The following SLC29A4 variants were observed in gnomAD, a reference collection of about 807,000 sequenced individuals.
SLC29A4 encodes the protein solute carrier family 29 member 4, also known as equilibrative nucleoside transporter 4.
SLC29A4 carries 36 observed loss-of-function variants against 43.9 expected under a neutral mutation model. The observed-to-expected ratio is 0.82, with a 90% CI of 0.63 to 1.08. The LOEUF (loss-of-function observed/expected upper bound fraction) is 1.08, where lower values mean the gene tolerates loss of function less well. Ranked by LOEUF, SLC29A4 falls within the 50% of genes least tolerant of loss-of-function variation. The pLI is 0.00. For synonymous variants in SLC29A4, 491 were observed against 338.0 expected (o/e 1.45, Z -4.97); for missense variants, 869 against 755.3 (o/e 1.15, Z -1.77).
chr7:5,298,875 C>T lies in SLC29A4; in HGVS notation c.883-113C>T, dbSNP rs573027747. The T allele has an allele frequency of 9.1e-6, 11 of 1,204,174 alleles. No individual in the cohort carries two copies. In the South Asian group the frequency reaches 1.2e-4, roughly 13 times the overall value. The allele number at this position is 1,204,174 out of a possible 1,614,324, so 74.6% of individuals were successfully genotyped here. A position where few individuals can be genotyped will look rare whatever the true frequency, so the allele number is the denominator to read the frequency against. ...GGTGTCTGCACACAGTAGGTACCAC[C>T]TGAATGTCAGCGCCAGCCCCAGTGC... On this transcript the variant is annotated intron_variant, in intron 7 of 10. Transcript: ENST00000396872.
chr7:5,288,744 T>A (rs1785119394), intron 2 of SLC29A4, among the ~76,000 whole-genome samples: 1 of 152,180 alleles, frequency 6.6e-6, no homozygotes. Context: ...AGCCCAGCTG[T>A]GTGACGTTAG....
At chr7:5,291,316 C>T in intron 4 of SLC29A4, 79 bp downstream of exon 4, 1 of 1,344,370 alleles carries the variant, frequency 7.4e-7, no homozygotes, top group Non-Finnish European at 1.0e-6. Flanking sequence ...ACCCAGTTTC[C>T]CTGAGCCTCA....
At chr7:5,294,573 G>A (rs1426293764) in intron 5 of SLC29A4, among the ~76,000 whole-genome samples, 1 of 152,064 alleles carries the variant, frequency 6.6e-6, no homozygotes, top group Admixed American at 6.6e-5. Flanking sequence ...CCCTGCCCAT[G>A]GGAAGAAGAA....
intron 10 of SLC29A4, 49 bp from the exon 11 acceptor site, chr7:5,302,748 C>A (rs1046997533): frequency 1.3e-6 from 2 of 1,525,044 alleles, no homozygotes; most frequent in African/African-American, 2.8e-5. Context: ...GCCGTGGCCA[C>A]CAGGTGGCCG....
rs914153455 is a variant in SLC29A4, at chr7:5,302,788, T to C, written c.1451-9T>C. On this transcript the variant is annotated splice_polypyrimidine_tract_variant and intron_variant, in intron 10 of 10. Transcript: ENST00000396872. The stretch of plus-strand genomic sequence containing the variant: ...GGCCCTGCTCCCCTCAGGCTGGTGT[T>C]GTCCACAGGGAACACCATGACCGTG... 70 of 1,551,406 alleles carry C rather than the reference T, an allele frequency of 4.5e-5. No individual in the cohort carries two copies. The highest frequency in any genetic ancestry group is 5.8e-5 in the Non-Finnish European group (67 of 1,147,296).
At chr7:5,287,568 G>C (rs1785037843) in intron 1 of SLC29A4, among the ~76,000 whole-genome samples, 1 of 152,216 alleles carries the variant, frequency 6.6e-6, no homozygotes, top group Non-Finnish European at 1.5e-5. Context: ...GGCTCAGAGA[G>C]GTTTAGGCCC....
At chr7:5,285,253 G>C (rs1356306465) in intron 1 of SLC29A4, among the ~76,000 whole-genome samples, 1 of 152,126 alleles carries the variant, frequency 6.6e-6, no homozygotes, top group South Asian at 2.1e-4. Context: ...AGCCCTGCTC[G>C]GCCGCCACCC....
chr7:5,297,025 G>A lies in SLC29A4; in HGVS notation c.709G>A (p.Val237Met). The change falls in exon 7 of 11, where the codon GTG becomes ATG. Residue 237 changes from valine (V) to methionine (M), a missense_variant. Transcript: ENST00000396872. ...ERASTLIFFLVSVALELLCFL... is the reference protein window; with the variant it reads ...ERASTLIFFLMSVALELLCFL... ...CGCCAGCACGCTCATCTTCTTCCTGGTGTCGGTGGCGCTGGAGCTGCTGTG... is the reference window on the plus strand; with the variant it reads ...CGCCAGCACGCTCATCTTCTTCCTGATGTCGGTGGCGCTGGAGCTGCTGTG... 2 of 1,606,536 alleles carry A rather than the reference G, an allele frequency of 1.2e-6. No individual in the cohort carries two copies. Among genetic ancestry groups the A allele is most frequent in the South Asian group, 1.1e-5 (1 of 90,992 alleles).
chr7:5,300,095 G>A (rs1473010426), intron 9 of SLC29A4, among the ~76,000 whole-genome samples: 1 of 152,156 alleles, frequency 6.6e-6, no homozygotes, highest in Non-Finnish European at 1.5e-5. Flanking sequence ...AGCCAGCCGT[G>A]GTGGTGCGTG....
chr7:5,292,983 G>A (rs1159884639), intron 5 of SLC29A4, among the ~76,000 whole-genome samples: 1 of 150,546 alleles, frequency 6.6e-6, no homozygotes, highest in Non-Finnish European at 1.5e-5. Context: ...ACAGGCGTGA[G>A]CCACCGCACC....
chr7:5,298,684 C>A (rs1435664631), intron 7 of SLC29A4, among the ~76,000 whole-genome samples: 1 of 152,162 alleles, frequency 6.6e-6, no homozygotes, highest in Non-Finnish European at 1.5e-5. Context: ...GCTGTAGTCC[C>A]TGTTACTTGG....
At chr7:5,288,068 G>C (rs970499147) in intron 2 of SLC29A4, 83 bp downstream of exon 2, 1 of 1,468,134 alleles carries the variant, frequency 6.8e-7, no homozygotes, top group African/African-American at 1.4e-5. Flanking sequence ...TTGCGGTATC[G>C]GGGAGCCATG....
intron 10 of SLC29A4, among the ~76,000 whole-genome samples, chr7:5,301,541 G>T (rs972836799): frequency 6.6e-6 from 1 of 152,202 alleles, no homozygotes; most frequent in African/African-American, 2.4e-5. Context: ...CTGAGGCCAG[G>T]GGATGGAGCA....
chr7:5,302,877 G>A lies in SLC29A4; in HGVS notation c.1531G>A (p.Asp511Asn), dbSNP rs754916328. ...VAYCTYSLTR[D>N]AHGSCLHAST... The stretch of plus-strand genomic sequence containing the variant: ...CTACTGCACCTACAGCCTCACCCGC[G>A]ACGCTCACGGCAGCTGCCTGCACGC... The change falls in exon 11 of 11, where the codon GAC (aspartate) becomes AAC (asparagine). Residue 511 changes from aspartate (D) to asparagine (N), a missense_variant. By Grantham distance (23) the Asp-to-Asn change is conservative. Coordinates refer to ENST00000396872, the MANE Select transcript of SLC29A4 (RefSeq NM_153247.4). The A allele has an allele frequency of 3.1e-5, 50 of 1,604,882 alleles. No homozygotes were observed. Among genetic ancestry groups the A allele is most frequent in the African/African-American group, 8.0e-5 (6 of 74,740 alleles).
At chr7:5,286,635 CTCCT>C (rs1195414201) in intron 1 of SLC29A4, among the ~76,000 whole-genome samples, 2 of 152,158 alleles carry the variant, frequency 1.3e-5, no homozygotes, top group Admixed American at 6.5e-5. Flanking sequence ...GATGACTTAG[CTCCT>C]TCCTTTCCTC....
Position 5,297,076 on chromosome 7 carries a change from C to G in SLC29A4, c.760C>G (p.Arg254Gly). Residue 254 changes from arginine (R) to glycine (G), a missense_variant, in exon 7 of 11, where the codon CGC becomes GGC. Coordinates refer to ENST00000396872, the MANE Select transcript of SLC29A4 (RefSeq NM_153247.4). ...LCFLLHLLVRRSRFVLFYTTR... is the reference protein window; with the variant it reads ...LCFLLHLLVRGSRFVLFYTTR... ...TTTCCTGCTGCACCTGTTAGTGCGG[C>G]GCAGCCGCTTCGTGCTCTTCTATAC... The G allele has an allele frequency of 6.2e-7, 1 of 1,607,968 alleles. No individual in the cohort carries two copies. Among genetic ancestry groups the G allele is most frequent in the South Asian group, 1.1e-5 (1 of 91,028 alleles).
chr7:5,286,147 GTGCTGTCCTCTC>G (rs1784931262), intron 1 of SLC29A4, among the ~76,000 whole-genome samples: 1 of 152,182 alleles, frequency 6.6e-6, no homozygotes, highest in African/African-American at 2.4e-5. Flanking sequence ...ACTCAGTGCT[GTGCTGTCCTCTC>G]TGTTAGCCTC....
At chr7:5,290,913 C>T (rs776093640) in intron 3 of SLC29A4, 50 bp downstream of exon 3, 1 of 1,571,174 alleles carries the variant, frequency 6.4e-7, no homozygotes, top group East Asian at 2.3e-5. Flanking sequence ...TCCATCATGG[C>T]CTGGGGCCTC....
chr7:5,300,937 C>T (rs899918382), intron 10 of SLC29A4, among the ~76,000 whole-genome samples: 3 of 152,174 alleles, frequency 2.0e-5, no homozygotes, highest in African/African-American at 7.2e-5. Context: ...CGGCGCTCCC[C>T]GTGCTGTGGG....
Sources: allele counts gnomAD v4.1 joint callset (sites outside exome capture counted in the v4.1 genomes callset), GRCh38; gene constraint gnomAD v4.1.1; transcripts MANE v1.5; gene names NCBI Gene and HGNC (gene_info 2026-07-23, HGNC 2026-07-21).